The following DNM3 variants were observed in gnomAD, a reference collection of about 807,000 sequenced individuals.
The protein encoded by DNM3 is dynamin-3.
Under a neutral mutation model 101.6 loss-of-function variants are expected in DNM3, and 47 were observed. The observed-to-expected ratio is 0.46, with a 90% confidence interval of 0.37 to 0.59. The LOEUF is 0.59. DNM3 is among the 20% of genes least tolerant of loss of function. The pLI is 0.00. For synonymous variants in DNM3, 385 were observed against 387.9 expected, an observed-to-expected ratio of 0.99 and a Z score of 0.09; for missense variants, 849 against 1,085.7, an observed-to-expected ratio of 0.78 and a Z score of 3.06.
At chr1:172,381,363 T>C (rs961845198) in intron 18 of DNM3, among the ~76,000 whole-genome samples, 1 of 152,034 alleles carries the variant, frequency 6.6e-6, no homozygotes, top group African/African-American at 2.4e-5. Context: ...TCTTATGAAA[T>C]TGTGGCTTTG....
In DNM3 at chr1:172,412,518, CT is replaced by C; in HGVS notation, c.*4680del. ...TAAAATCTTGTCTTCTCTGCTGATT[CT>C]TTAATTAATATGAGCCGGATACTTT... is the stretch of plus-strand genomic sequence containing the variant. On this transcript the variant is annotated 3_prime_UTR_variant, in exon 21 of 21. Transcript: ENST00000627582. The C allele has an allele frequency of 2.0e-6, 2 of 985,656 alleles. No homozygotes were observed. Among genetic ancestry groups the C allele is most frequent in the South Asian group, 4.7e-5 (1 of 21,288 alleles). 61.1% of individuals were successfully genotyped at this position (985,656 alleles called of 1,614,324 possible).
rs1279868163 is a variant in DNM3 at position 172,088,182 on chromosome 1, G to T, written c.1494-4642G>T. On this transcript the variant is annotated intron_variant, in intron 12 of 20. Transcript: ENST00000627582. ...GATGCTCTTGACTATCAAGGAGCAGGCATTGTTGGAAACCCAACTTACAAT... is the reference window on the plus strand; with the variant it reads ...GATGCTCTTGACTATCAAGGAGCAGTCATTGTTGGAAACCCAACTTACAAT... 2.6e-5 allele frequency among the ~76,000 whole-genome samples: 4 copies of T among 152,164 alleles called. No homozygotes were observed. In the South Asian group the frequency reaches 8.3e-4, roughly 32 times the overall value.
Position 172,344,467 on chromosome 1 carries a change from G to T in DNM3, c.1893+21127G>T, listed in dbSNP as rs76477144. Among the ~76,000 whole-genome samples the T allele has an allele frequency of 1.2e-3, 178 of 152,284 alleles. 3 individuals are homozygous for T. The East Asian group carries it at 0.033, about 28-fold the overall frequency. Reference sequence around the variant, plus strand: ...CAAATGTGTTAAAACAAGCGTTAAAGTTGGCTTTTTCCCCACGAAAATGGC... The same window carrying T: ...CAAATGTGTTAAAACAAGCGTTAAATTTGGCTTTTTCCCCACGAAAATGGC... On this transcript the variant is annotated intron_variant, in intron 17 of 20. Transcript: ENST00000627582.
At position 172,304,222 on chromosome 1, in the gene DNM3, A is replaced by AAAAAAAC. The variant is rs745651671; in HGVS notation, c.1770-4506_1770-4505insAAAAAAC. 7.8e-5 allele frequency among the ~76,000 whole-genome samples: 10 copies of AAAAAAAC among 129,002 alleles called. 1 individual carries two copies. The highest frequency in any genetic ancestry group is 1.4e-4 in the Non-Finnish European group (9 of 63,038). 84.6% of individuals were successfully genotyped at this position (129,002 alleles called of 152,430 possible). ...AAAGGAAAGCAAAAAAAAAAAAAAA[A>AAAAAAAC]CAGGAGTTGCAATCCTAGTCTCTGA... On this transcript the variant is annotated intron_variant, in intron 15 of 20. Transcript: ENST00000627582.
At chr1:172,088,838 A>T (rs1424553267) in intron 12 of DNM3, among the ~76,000 whole-genome samples, 1 of 152,252 alleles carries the variant, frequency 6.6e-6, no homozygotes, top group Non-Finnish European at 1.5e-5. Flanking sequence ...CACATCATAG[A>T]CAAGGATAGG....
In DNM3 at chr1:172,092,855, A is replaced by T; in HGVS notation, c.1525A>T (p.Lys509Ter). The T allele has an allele frequency of 6.4e-7, 1 of 1,560,236 alleles. No individual in the cohort carries two copies. Residue 509 changes from lysine to a stop codon, truncating the protein, a stop_gained, in exon 13 of 21, where the codon AAA (lysine) becomes TAA (stop). Coordinates refer to ENST00000627582, the MANE Select transcript of DNM3 (RefSeq NM_015569.5). LOFTEE classifies it high-confidence loss of function. ...GCAGAGGAGCAGTCAGGTTCACAAGAAAACCACAGTTGGAAATCAGGTAGG... is the reference window on the plus strand; with the variant it reads ...GCAGAGGAGCAGTCAGGTTCACAAGTAAACCACAGTTGGAAATCAGGTAGG... ...AQQRSSQVHK[K>*]TTVGNQVIRK...
At chr1:171,866,581 C>T (rs1253314226) in intron 1 of DNM3, among the ~76,000 whole-genome samples, 1 of 152,148 alleles carries the variant, frequency 6.6e-6, no homozygotes, top group African/African-American at 2.4e-5. Flanking sequence ...ATCTCACAGA[C>T]TTATGTAGAA....
At chr1:171,981,357 A>G (rs1301691908) in intron 2 of DNM3, among the ~76,000 whole-genome samples, 1 of 152,268 alleles carries the variant, frequency 6.6e-6, no homozygotes, top group Non-Finnish European at 1.5e-5. Flanking sequence ...AAGATGGACA[A>G]GAGATCATTT....
At chr1:172,094,310 T>G (rs2054104061) in intron 13 of DNM3, among the ~76,000 whole-genome samples, 1 of 152,210 alleles carries the variant, frequency 6.6e-6, no homozygotes, top group Admixed American at 6.5e-5. Flanking sequence ...TATGTCTTCT[T>G]TTATGGAAGT....
chr1:172,046,396 G>A (rs1447907159), intron 9 of DNM3, among the ~76,000 whole-genome samples: 1 of 152,044 alleles, frequency 6.6e-6, no homozygotes, highest in East Asian at 1.9e-4. Context: ...CACACTCTGG[G>A]GACTGTTGTT....
chr1:171,879,758 C>G (rs1055061633), intron 1 of DNM3, among the ~76,000 whole-genome samples: 11 of 152,190 alleles, frequency 7.2e-5, no homozygotes, highest in African/African-American at 2.4e-4. Context: ...TAGCCACAAC[C>G]AGGAGTCACG....
chr1:172,334,437 AG>A (rs1213482704), intron 17 of DNM3, among the ~76,000 whole-genome samples: 2 of 152,206 alleles, frequency 1.3e-5, no homozygotes, highest in Admixed American at 6.5e-5. Flanking sequence ...TATGATGCAC[AG>A]GACATCCTCT....
chr1:171,862,829 C>T (rs1053057715), intron 1 of DNM3, among the ~76,000 whole-genome samples: 5 of 151,920 alleles, frequency 3.3e-5, no homozygotes, highest in African/African-American at 9.7e-5. Context: ...AACAGAAGGG[C>T]CCTGCAAGGA....
At chr1:172,113,555 G>A (rs971372887) in intron 13 of DNM3, among the ~76,000 whole-genome samples, 3 of 147,178 alleles carry the variant, frequency 2.0e-5, no homozygotes, top group Admixed American at 6.9e-5. Flanking sequence ...GGGGGGCGGA[G>A]GTTGCGGTGA....
At chr1:172,318,672 G>A (rs2065525268) in intron 16 of DNM3, among the ~76,000 whole-genome samples, 2 of 152,044 alleles carry the variant, frequency 1.3e-5, no homozygotes, top group South Asian at 2.1e-4. Context: ...TAGGAATCCA[G>A]CTTACAAGGG....
intron 14 of DNM3, among the ~76,000 whole-genome samples, chr1:172,209,196 C>T (rs2060427239): frequency 6.6e-6 from 1 of 151,954 alleles, no homozygotes; most frequent in East Asian, 1.9e-4. Flanking sequence ...CAATGAGACA[C>T]CAAGGTCCCC....
At chr1:172,057,570 C>G (rs1472998148) in intron 10 of DNM3, among the ~76,000 whole-genome samples, 1 of 152,138 alleles carries the variant, frequency 6.6e-6, no homozygotes, top group Non-Finnish European at 1.5e-5. Context: ...ATTTTCAACC[C>G]AGAATTTCAT....
chr1:172,125,559 A>C (rs1179808691), intron 13 of DNM3, among the ~76,000 whole-genome samples: 1 of 152,052 alleles, frequency 6.6e-6, no homozygotes, highest in African/African-American at 2.4e-5. Context: ...CACTCTTCCC[A>C]TTGCTGGTCT....
chr1:172,103,276 TA>T (rs1160812730), intron 13 of DNM3, among the ~76,000 whole-genome samples: 2 of 152,220 alleles, frequency 1.3e-5, no homozygotes, highest in African/African-American at 4.8e-5. Context: ...TGTTTTGTTC[TA>T]AAATTGTAAA....
Sources: gnomAD v4.1 joint callset for allele counts (sites outside exome capture counted in the v4.1 genomes callset) on GRCh38, gnomAD v4.1.1 for gene constraint, MANE v1.5 for transcripts, NCBI Gene and HGNC (gene_info 2026-07-23, HGNC 2026-07-21) for gene names.